TM9SF2: variants seen among roughly 807,000 people sequenced by gnomAD.
TM9SF2 encodes 76 kDa membrane protein.
In TM9SF2, 13 loss-of-function variants were observed where a neutral mutation model predicts 84.9. The ratio of observed to expected loss-of-function variants is 0.15; its 90% CI spans 0.10 to 0.24. The LOEUF (loss-of-function observed/expected upper bound fraction) is 0.24. TM9SF2 is among the 10% of genes least tolerant of loss of function. TM9SF2 has a pLI of 1.00. For synonymous variants in TM9SF2, 273 were observed against 285.8 expected (o/e 0.96, Z 0.45); for missense variants, 562 against 818.5 (o/e 0.69, Z 3.82).
intron 3 of TM9SF2, among the ~76,000 whole-genome samples, chr13:99,526,973 T>C (rs956952765): frequency 6.6e-6 from 1 of 151,894 alleles, no homozygotes; most frequent in African/African-American, 2.4e-5. Flanking sequence ...CCAGCAAGAC[T>C]CCAGTGAGGC....
At chr13:99,535,839 A>T (rs76973598) in intron 4 of TM9SF2, among the ~76,000 whole-genome samples, 3,941 of 152,282 alleles carry the variant, frequency 0.026, 90 homozygotes, top group South Asian at 0.08. Context: ...CTTGGACTGT[A>T]ATGTAGTTAT....
intron 1 of TM9SF2, among the ~76,000 whole-genome samples, chr13:99,516,365 A>T (rs918591387): frequency 2.0e-5 from 3 of 152,244 alleles, no homozygotes; most frequent in African/African-American, 7.2e-5. Context: ...TGGCACTCCC[A>T]GAAGCCTCAT....
At chr13:99,516,287 A>T (rs952110778) in intron 1 of TM9SF2, among the ~76,000 whole-genome samples, 5 of 152,078 alleles carry the variant, frequency 3.3e-5, no homozygotes, top group Non-Finnish European at 5.9e-5. Context: ...GCTTTGGGGG[A>T]TGTTAGCAAG....
intron 9 of TM9SF2, 49 bp from the exon 10 acceptor site, chr13:99,543,814 G>A: frequency 6.2e-7 from 1 of 1,600,402 alleles, no homozygotes; most frequent in Non-Finnish European, 8.5e-7. Flanking sequence ...GTCTATAGTT[G>A]TCTTGTTGAT....
chr13:99,562,951 G>C lies in TM9SF2; in HGVS notation c.*193G>C. On this transcript the variant is annotated 3_prime_UTR_variant, in exon 17 of 17. Transcript: ENST00000376387. ...GTGTCTTCAACACTATAAAGCATTT[G>C]TATTGTGATTTGATTAAGTATATAT... 1 of 480,920 alleles carries C rather than the reference G, an allele frequency of 2.1e-6. No individual in the cohort carries two copies. Among genetic ancestry groups the C allele is most frequent in the South Asian group, 3.6e-5 (1 of 27,504 alleles). The allele number at this position is 480,920 out of a possible 1,614,324, so 29.8% of individuals were successfully genotyped here.
chr13:99,522,124 G>T (rs1566565439), intron 3 of TM9SF2, among the ~76,000 whole-genome samples: 1 of 152,084 alleles, frequency 6.6e-6, no homozygotes, highest in Non-Finnish European at 1.5e-5. Context: ...GGGTTCAAGT[G>T]ATTCTCCTGC....
rs1039618894 is a variant in TM9SF2, at chr13:99,555,443, A to G, written c.1641-93A>G. The G allele has an allele frequency of 4.0e-6, 4 of 992,210 alleles. No individual in the cohort carries two copies. In the African/African-American group the frequency reaches 4.9e-5, roughly 12 times the overall value. The allele number at this position is 992,210 out of a possible 1,614,324, so 61.5% of individuals were successfully genotyped here. On this transcript the variant is annotated intron_variant, in intron 14 of 16. Transcript: ENST00000376387. The stretch of plus-strand genomic sequence containing the variant: ...TTTGGTTAGTTGAGAGAAAAAGCAA[A>G]CCTTTTCAGTTCAAGAAGAATGAAA...
Position 99,531,765 on chromosome 13 carries a change from A to G in TM9SF2, c.461+2171A>G, listed in dbSNP as rs142913695. 3.4e-3 allele frequency among the ~76,000 whole-genome samples: 515 copies of G among 152,140 alleles called. 2 individuals carry two copies. The highest frequency in any genetic ancestry group is 0.012 in the African/African-American group (478 of 41,512). ...ACTTTAAAGACTCCTTTGTCTCCCC[A>G]TTTCTTTCATTTCTGGTAAACGAAG... On this transcript the variant is annotated intron_variant, in intron 4 of 16. Coordinates refer to ENST00000376387, the MANE Select transcript of TM9SF2 (RefSeq NM_004800.3).
intron 4 of TM9SF2, among the ~76,000 whole-genome samples, chr13:99,530,774 G>C (rs61972543): frequency 0.032 from 4,919 of 152,146 alleles, 112 homozygotes; most frequent in Middle Eastern, 0.11. Flanking sequence ...TTCTGTACCA[G>C]TTTGTATCAG....
chr13:99,516,132 A>C (rs1247074760), intron 1 of TM9SF2, among the ~76,000 whole-genome samples: 1 of 152,222 alleles, frequency 6.6e-6, no homozygotes, highest in Admixed American at 6.5e-5. Flanking sequence ...GACCACAGTC[A>C]CACAGTTAGA....
intron 7 of TM9SF2, among the ~76,000 whole-genome samples, 157 bp downstream of exon 7, chr13:99,539,714 A>G (rs1368454798): frequency 6.6e-6 from 1 of 152,142 alleles, no homozygotes; most frequent in Non-Finnish European, 1.5e-5. Context: ...CAACATAATC[A>G]CTCTTGTAAC....
intron 1 of TM9SF2, among the ~76,000 whole-genome samples, chr13:99,504,079 A>G (rs993019752): frequency 6.6e-6 from 1 of 152,190 alleles, no homozygotes; most frequent in African/African-American, 2.4e-5. Context: ...TTTGAAATAC[A>G]CTTTAATATT....
chr13:99,521,239 A>G (rs898249004), intron 3 of TM9SF2, among the ~76,000 whole-genome samples: 5 of 152,268 alleles, frequency 3.3e-5, no homozygotes, highest in African/African-American at 1.2e-4. Context: ...AAATTTTCAT[A>G]CACCTATAAG....
Position 99,562,847 on chromosome 13 carries a change from G to T in TM9SF2, c.*89G>T. On this transcript the variant is annotated 3_prime_UTR_variant, in exon 17 of 17. Transcript: ENST00000376387. ...TTTGTGACTGCCTTGAGTTTTATCA[G>T]AATTATTGGCCTAGTAATCCTTCAG... The T allele has an allele frequency of 7.9e-7, 1 of 1,262,066 alleles. No individual in the cohort carries two copies. The highest frequency in any genetic ancestry group is 1.1e-6 in the Non-Finnish European group (1 of 881,902). The allele number at this position is 1,262,066 out of a possible 1,614,324, so 78.2% of individuals were successfully genotyped here. A position where few individuals can be genotyped will look rare whatever the true frequency, so the allele number is the denominator to read the frequency against.
chr13:99,542,057 A>T (rs1294756778), intron 9 of TM9SF2, among the ~76,000 whole-genome samples: 2 of 151,860 alleles, frequency 1.3e-5, no homozygotes, highest in East Asian at 3.9e-4. Context: ...AGGCTGAGGC[A>T]GGAGAATTGC....
intron 3 of TM9SF2, 22 bp downstream of exon 3, chr13:99,520,151 A>G: frequency 1.9e-6 from 3 of 1,569,898 alleles, no homozygotes; most frequent in Non-Finnish European, 2.6e-6. Context: ...GTGTTACATA[A>G]TAATTATTTA....
chr13:99,538,708 T>C (rs780201841), intron 6 of TM9SF2, among the ~76,000 whole-genome samples: 1 of 151,022 alleles, frequency 6.6e-6, no homozygotes, highest in Non-Finnish European at 1.5e-5. Context: ...AGCCCAGGAG[T>C]TCAAGACCAG....
chr13:99,537,942 C>T (rs745913202), intron 6 of TM9SF2, 79 bp downstream of exon 6: 85 of 1,490,466 alleles, frequency 5.7e-5, no homozygotes, highest in Non-Finnish European at 7.3e-5. Flanking sequence ...GGCTCAATTA[C>T]TCCTTAATAT....
intron 9 of TM9SF2, among the ~76,000 whole-genome samples, chr13:99,543,438 C>T (rs973378842): frequency 2.0e-5 from 3 of 152,180 alleles, no homozygotes; most frequent in African/African-American, 7.2e-5. Context: ...TGTTTACATC[C>T]ATGCTTACTG....
Sources: gnomAD v4.1 joint callset for allele counts (sites outside exome capture counted in the v4.1 genomes callset) on GRCh38, gnomAD v4.1.1 for gene constraint, MANE v1.5 for transcripts, NCBI Gene and HGNC (gene_info 2026-07-23, HGNC 2026-07-21) for gene names.